Variants in RIT2 observed in about 807,000 individuals in gnomAD.
RIT2 encodes the protein GTP-binding protein Rit2.
A neutral mutation model predicts 23.7 loss-of-function variants in RIT2; 24 were observed. The observed-to-expected ratio is 1.01, with a 90% CI of 0.73 to 1.43. RIT2 has a LOEUF of 1.43. Ranked by LOEUF, RIT2 falls within the 40% of genes most tolerant of loss-of-function variation. RIT2 has a pLI of 0.00. For missense variants in RIT2, 236 were observed against 266.9 expected (o/e 0.88, Z 0.81); for synonymous variants, 107 against 91.1 (o/e 1.17, Z -0.99).
chr18:43,064,497 G>C (rs1253678465), intron 1 of RIT2, among the ~76,000 whole-genome samples: 3 of 152,088 alleles, frequency 2.0e-5, no homozygotes, highest in Non-Finnish European at 4.4e-5. Context: ...TAAATAAAGA[G>C]ATGCAATTTC....
intron 1 of RIT2, among the ~76,000 whole-genome samples, chr18:43,103,370 A>C (rs1913733459): frequency 1.3e-5 from 2 of 152,242 alleles, no homozygotes; most frequent in Non-Finnish European, 2.9e-5. Context: ...TATAAAATCT[A>C]TTTCCTACTC....
chr18:43,026,951 G>C (rs1232977851), intron 2 of RIT2, among the ~76,000 whole-genome samples: 3 of 152,120 alleles, frequency 2.0e-5, no homozygotes, highest in Non-Finnish European at 4.4e-5. Context: ...TGAGTCTTAG[G>C]TAAACAGGAA....
chr18:42,909,430 G>A (rs1354385479), intron 4 of RIT2, among the ~76,000 whole-genome samples: 1 of 151,986 alleles, frequency 6.6e-6, no homozygotes, highest in African/African-American at 2.4e-5. Context: ...ACATAACCAT[G>A]TAATCAAAAC....
intron 4 of RIT2, chr18:42,920,647 G>A (rs1909031529): frequency 1.6e-6 from 2 of 1,236,764 alleles, no homozygotes; most frequent in Middle Eastern, 1.9e-4. Context: ...TTTTAGAAAG[G>A]GCCCTGGGAT....
chr18:43,055,087 C>T (rs1912469099), intron 1 of RIT2, among the ~76,000 whole-genome samples: 1 of 152,072 alleles, frequency 6.6e-6, no homozygotes, highest in Non-Finnish European at 1.5e-5. Flanking sequence ...TGAGCTGTTC[C>T]TGTTGTTACA....
intron 2 of RIT2, among the ~76,000 whole-genome samples, chr18:43,009,028 T>C (rs1911290805): frequency 6.6e-6 from 1 of 151,604 alleles, no homozygotes; most frequent in African/African-American, 2.4e-5. Flanking sequence ...ATATCCTTAT[T>C]TGGAAATGTG....
At chr18:42,835,348 C>G (rs1215256505) in intron 4 of RIT2, among the ~76,000 whole-genome samples, 1 of 151,886 alleles carries the variant, frequency 6.6e-6, no homozygotes, top group Non-Finnish European at 1.5e-5. Flanking sequence ...CTTATAACAT[C>G]ATGTTCTATA....
chr18:42,757,865 G>A (rs1400411790), intron 4 of RIT2, among the ~76,000 whole-genome samples: 1 of 152,094 alleles, frequency 6.6e-6, no homozygotes, highest in Non-Finnish European at 1.5e-5. Context: ...CCAAAAGAAT[G>A]ATTTCAACAT....
chr18:42,784,673 T>C (rs895424375), intron 4 of RIT2, among the ~76,000 whole-genome samples: 5 of 152,070 alleles, frequency 3.3e-5, no homozygotes, highest in African/African-American at 1.2e-4. Context: ...TTTCTGTCAA[T>C]AAAAATCTTA....
intron 1 of RIT2, among the ~76,000 whole-genome samples, chr18:43,072,853 C>A (rs1490500352): frequency 1.3e-5 from 2 of 152,150 alleles, no homozygotes; most frequent in Non-Finnish European, 2.9e-5. Flanking sequence ...CATTCTATTT[C>A]TCTGTTATTC....
At chr18:43,025,237 CA>C (rs58609867) in intron 2 of RIT2, among the ~76,000 whole-genome samples, 29,875 of 136,512 alleles carry the variant, frequency 0.22, 3,656 homozygotes, top group East Asian at 0.43. Context: ...AAAAAAAAAA[CA>C]AAAAAAAAAA....
chr18:43,021,228 G>A (rs919369364), intron 2 of RIT2, among the ~76,000 whole-genome samples: 6 of 152,064 alleles, frequency 3.9e-5, no homozygotes, highest in South Asian at 2.1e-4. Flanking sequence ...CACAGAACTC[G>A]AAAGGATATT....
chr18:43,104,790 A>C (rs1469180556), intron 1 of RIT2, among the ~76,000 whole-genome samples: 4 of 152,196 alleles, frequency 2.6e-5, no homozygotes, highest in Non-Finnish European at 5.9e-5. Flanking sequence ...CCCTTTTGCT[A>C]CCAAATAAAG....
At chr18:42,800,330 A>G (rs1209430568) in intron 4 of RIT2, among the ~76,000 whole-genome samples, 1 of 152,140 alleles carries the variant, frequency 6.6e-6, no homozygotes, top group Non-Finnish European at 1.5e-5. Flanking sequence ...TCCACTGTAT[A>G]TGGAATCCGG....
At chr18:42,833,355 A>C (rs921179222) in intron 4 of RIT2, among the ~76,000 whole-genome samples, 1 of 152,148 alleles carries the variant, frequency 6.6e-6, no homozygotes, top group African/African-American at 2.4e-5. Flanking sequence ...CATTCTGTAT[A>C]TATACTACAT....
intron 1 of RIT2, among the ~76,000 whole-genome samples, chr18:43,059,813 A>C (rs1014855652): frequency 6.6e-6 from 1 of 152,036 alleles, no homozygotes; most frequent in African/African-American, 2.4e-5. Flanking sequence ...AAGACAGCAG[A>C]TGTCCTGGCT....
At chr18:42,933,530 TCTCATGATAATGAGTGAGTG>T (rs969818649) in intron 3 of RIT2, among the ~76,000 whole-genome samples, 65 of 152,294 alleles carry the variant, frequency 4.3e-4, no homozygotes, top group African/African-American at 1.4e-3. Context: ...TCCATGCTGT[TCTCATGATAATGAGTGAGTG>T]CTCATGATAA....
intron 1 of RIT2, among the ~76,000 whole-genome samples, chr18:43,077,958 G>T (rs1329517024): frequency 6.6e-6 from 1 of 152,046 alleles, no homozygotes; most frequent in Non-Finnish European, 1.5e-5. Context: ...GGTTAATATT[G>T]CCATCATATT....
At chr18:43,062,986 A>G (rs1435391479) in intron 1 of RIT2, among the ~76,000 whole-genome samples, 1 of 152,124 alleles carries the variant, frequency 6.6e-6, no homozygotes, top group Admixed American at 6.6e-5. Context: ...GGCTAGGGAC[A>G]TACCAAAGTG....
Sources: gnomAD v4.1 joint callset for allele counts (sites outside exome capture counted in the v4.1 genomes callset) on GRCh38, gnomAD v4.1.1 for gene constraint, MANE v1.5 for transcripts, NCBI Gene and HGNC (gene_info 2026-07-23, HGNC 2026-07-21) for gene names.